The following LRP1B variants were observed in gnomAD, a reference collection of about 807,000 sequenced individuals.
LRP1B encodes LDL receptor related protein 1B.
LRP1B carries 217 observed loss-of-function variants against 556.6 expected under a neutral mutation model. The observed-to-expected ratio is 0.39, with a 90% CI of 0.35 to 0.44. The LOEUF (loss-of-function observed/expected upper bound fraction) is 0.44. LRP1B is among the 20% of genes least tolerant of loss of function. LRP1B has a pLI of 1.00. For missense variants in LRP1B, 5,053 were observed against 5,620.8 expected, an observed-to-expected ratio of 0.90 and a Z score of 3.23; for synonymous variants, 2,047 against 1,865.8, an observed-to-expected ratio of 1.10 and a Z score of -2.50.
At chr2:141,127,201 A>G (rs1038486886) in intron 7 of LRP1B, among the ~76,000 whole-genome samples, 5 of 152,164 alleles carry the variant, frequency 3.3e-5, no homozygotes, top group African/African-American at 1.2e-4. Context: ...ACCATCTTAC[A>G]CCAGTTAGAA....
At chr2:141,709,783 A>G (rs1371036839) in intron 2 of LRP1B, among the ~76,000 whole-genome samples, 1 of 152,096 alleles carries the variant, frequency 6.6e-6, no homozygotes, top group African/African-American at 2.4e-5. Context: ...GGGTTTTAAT[A>G]AGATCGGTGT....
intron 7 of LRP1B, among the ~76,000 whole-genome samples, chr2:141,075,570 G>A (rs755618277): frequency 1.3e-5 from 2 of 152,082 alleles, no homozygotes; most frequent in Non-Finnish European, 2.9e-5. Context: ...TGATTCATGT[G>A]GAACAGTAAA....
intron 84 of LRP1B, 81 bp from the exon 85 acceptor site, chr2:140,274,679 A>G (rs13004800): frequency 8.9e-7 from 1 of 1,119,710 alleles, no homozygotes; most frequent in Non-Finnish European, 1.3e-6. Flanking sequence ...TGACCCTTTC[A>G]TTTATTACTT....
At chr2:141,354,681 G>A (rs2683831) in intron 3 of LRP1B, among the ~76,000 whole-genome samples, 78,782 of 151,624 alleles carry the variant, frequency 0.52, 21,111 homozygotes, top group Non-Finnish European at 0.58. Context: ...CGTGTACCTC[G>A]GGGCATGAGA....
In LRP1B at chr2:142,105,726, G is replaced by T. The variant is rs115298633; in HGVS notation, c.82+24922C>A. ...ATTTTGAAAACTTCTTCAGGGTCTA[G>T]ATTTTAAATTAATTCCACTACCTAG... On this transcript the variant is annotated intron_variant, in intron 1 of 90. Coordinates refer to ENST00000389484, the MANE Select transcript of LRP1B (RefSeq NM_018557.3). Among the ~76,000 whole-genome samples, 885 of 152,198 alleles carry T rather than the reference G, an allele frequency of 5.8e-3. 3 individuals are homozygous for T. Among genetic ancestry groups the T allele is most frequent in the African/African-American group, 0.02 (822 of 41,548 alleles).
rs190830235 is a variant in LRP1B at position 140,451,178 on chromosome 2, G to C, written c.9964-517C>G. Among the ~76,000 whole-genome samples, 301 of 152,292 alleles carry C rather than the reference G, an allele frequency of 2.0e-3. 2 individuals are homozygous for C. The highest frequency in any genetic ancestry group is 4.1e-3 in the Admixed American group (62 of 15,286). ...GCTGATCTCAAACTCCTGGGCTCAA[G>C]TGATCCTCCCACCTAGGCCACCCAA... On this transcript the variant is annotated intron_variant, in intron 62 of 90. Coordinates refer to ENST00000389484, the MANE Select transcript of LRP1B (RefSeq NM_018557.3).
Position 141,127,506 on chromosome 2 carries a change from T to C in LRP1B, c.1013+60915A>G, listed in dbSNP as rs965090251. Reference sequence around the variant, plus strand: ...AACCAACCCAAATGCCCATCAGTAATAGACTGGATAAGGGAAATGTGGCAC... The same window carrying C: ...AACCAACCCAAATGCCCATCAGTAACAGACTGGATAAGGGAAATGTGGCAC... On this transcript the variant is annotated intron_variant, in intron 7 of 90. Coordinates refer to ENST00000389484, the MANE Select transcript of LRP1B (RefSeq NM_018557.3). Among the ~76,000 whole-genome samples the C allele has an allele frequency of 3.3e-5, 5 of 152,144 alleles. No individual in the cohort carries two copies. The East Asian group carries it at 5.8e-4, about 18-fold the overall frequency.
At chr2:141,374,343 A>C (rs748878926) in intron 3 of LRP1B, among the ~76,000 whole-genome samples, 1 of 152,122 alleles carries the variant, frequency 6.6e-6, no homozygotes, top group Non-Finnish European at 1.5e-5. Context: ...TTCTGACTAT[A>C]ATATGTTTGG....
rs560363480 is a variant in LRP1B, at chr2:142,031,330, A to ATTTTTTTTTTTTTTTT, written c.82+99302_82+99317dup. On this transcript the variant is annotated intron_variant, in intron 1 of 90. Transcript: ENST00000389484. Reference sequence around the variant, plus strand: ...ATTTAGAGAAAGGTTGATTATACTTATTTTTTTTTTTTTTTTTTATTATAC... The same window carrying ATTTTTTTTTTTTTTTT: ...ATTTAGAGAAAGGTTGATTATACTTATTTTTTTTTTTTTTTTTTTTTTTTTTTTTTTTTTATTATAC... Among the ~76,000 whole-genome samples the ATTTTTTTTTTTTTTTT allele has an allele frequency of 1.3e-3, 154 of 116,990 alleles. 6 individuals are homozygous for ATTTTTTTTTTTTTTTT. The highest frequency in any genetic ancestry group is 4.1e-3 in the African/African-American group (140 of 33,902). 76.7% of individuals were successfully genotyped at this position (116,990 alleles called of 152,430 possible). A position where few individuals can be genotyped will look rare whatever the true frequency, so the allele number is the denominator to read the frequency against.
Position 140,231,490 on chromosome 2 carries a change from T to C in LRP1B, c.*1696A>G, listed in dbSNP as rs557101488. ...TTTTATAAAGTATTTAACACTTCAT[T>C]GTAGAAACATAGGCAAAATGACTAT... is the stretch of plus-strand genomic sequence containing the variant. On this transcript the variant is annotated 3_prime_UTR_variant, in exon 91 of 91. Coordinates refer to ENST00000389484, the MANE Select transcript of LRP1B (RefSeq NM_018557.3). 7.2e-5 allele frequency: 11 copies of C among 151,904 alleles called. No individual in the cohort carries two copies. The highest frequency in any genetic ancestry group is 1.6e-4 in the Non-Finnish European group (11 of 67,574). 9.4% of individuals were successfully genotyped at this position (151,904 alleles called of 1,614,324 possible).
rs1356812546 is a variant in LRP1B at position 140,905,599 on chromosome 2, C to T, written c.3520+2278G>A. 2.1e-4 allele frequency among the ~76,000 whole-genome samples: 32 copies of T among 152,088 alleles called. 1 individual carries two copies. Among genetic ancestry groups the T allele is most frequent in the Admixed American group, 2.0e-3 (31 of 15,236 alleles). ...CTTACTTGCTGCCACTGCCTCTTGT[C>T]ACAAAGATAAGAGAAGCCTGTTTTC... On this transcript the variant is annotated intron_variant, in intron 22 of 90. Coordinates refer to ENST00000389484, the MANE Select transcript of LRP1B (RefSeq NM_018557.3).
At chr2:142,110,343 T>C (rs969215808) in intron 1 of LRP1B, among the ~76,000 whole-genome samples, 2 of 152,034 alleles carry the variant, frequency 1.3e-5, no homozygotes, top group Middle Eastern at 3.2e-3. Context: ...TGATAAAATT[T>C]AAAAAAAGCT....
intron 81 of LRP1B, among the ~76,000 whole-genome samples, chr2:140,322,539 A>T (rs544437683): frequency 6.6e-6 from 1 of 152,246 alleles, no homozygotes; most frequent in East Asian, 1.9e-4. Flanking sequence ...ATTTATTAAT[A>T]AAAAGGATGA....
At chr2:141,640,585 C>A (rs570223014) in intron 2 of LRP1B, among the ~76,000 whole-genome samples, 1 of 152,222 alleles carries the variant, frequency 6.6e-6, no homozygotes, top group South Asian at 2.1e-4. Context: ...GTGGGCGGAT[C>A]ACTTGAGGTC....
At chr2:141,895,981 T>C (rs938018198) in intron 1 of LRP1B, among the ~76,000 whole-genome samples, 1 of 46,420 alleles carries the variant, frequency 2.2e-5, no homozygotes, top group African/African-American at 6.5e-5. Context: ...GTATTTTGGA[T>C]TGGATAACAA....
intron 11 of LRP1B, among the ~76,000 whole-genome samples, chr2:141,039,275 G>C (rs1239849230): frequency 6.6e-6 from 1 of 152,058 alleles, no homozygotes; most frequent in Non-Finnish European, 1.5e-5. Context: ...GAGAGACAGA[G>C]ACTACATGCA....
At chr2:141,177,935 A>C (rs1037744293) in intron 7 of LRP1B, among the ~76,000 whole-genome samples, 4 of 152,098 alleles carry the variant, frequency 2.6e-5, no homozygotes, top group Non-Finnish European at 2.9e-5. Flanking sequence ...GCCACCTATA[A>C]ATAAGTAGAA....
chr2:141,176,337 A>G (rs1680733151), intron 7 of LRP1B, among the ~76,000 whole-genome samples: 1 of 152,000 alleles, frequency 6.6e-6, no homozygotes, highest in South Asian at 2.1e-4. Context: ...ATTGCACAGG[A>G]GGGTTCTGGT....
At chr2:140,364,629 A>T (rs776566318) in intron 72 of LRP1B, 32 bp downstream of exon 72, 1 of 1,602,602 alleles carries the variant, frequency 6.2e-7, no homozygotes, top group Admixed American at 1.7e-5. Context: ...AGAAGATAAA[A>T]GTATAATCTA....
Sources: gnomAD v4.1 joint callset for allele counts (sites outside exome capture counted in the v4.1 genomes callset) on GRCh38, gnomAD v4.1.1 for gene constraint, MANE v1.5 for transcripts, NCBI Gene and HGNC (gene_info 2026-07-23, HGNC 2026-07-21) for gene names.